Variants in FER1L6 observed in about 807,000 individuals in gnomAD.
FER1L6 encodes the protein fer-1-like protein 6.
FER1L6 carries 177 observed loss-of-function variants against 219.2 expected under a neutral mutation model. The ratio of observed to expected loss-of-function variants is 0.81; its 90% CI spans 0.71 to 0.91. The LOEUF (loss-of-function observed/expected upper bound fraction) is 0.91. FER1L6 is among the 40% of genes least tolerant of loss of function. The probability of loss-of-function intolerance (pLI) is 0.00; values close to 1 mark genes in which losing one functional copy is unlikely to be tolerated. For synonymous variants in FER1L6, 768 were observed against 824.3 expected (o/e 0.93, Z 1.17); for missense variants, 2,153 against 2,259.9 (o/e 0.95, Z 0.96).
intron 39 of FER1L6, 118 bp downstream of exon 39, chr8:124,103,427 G>GT: frequency 1.0e-6 from 1 of 991,432 alleles, no homozygotes; most frequent in Non-Finnish European, 1.5e-6. Context: ...AACCCTTCAT[G>GT]CAGAGGTTCT....
chr8:123,909,242 A>G (rs996131006), intron 1 of FER1L6, among the ~76,000 whole-genome samples: 6 of 152,132 alleles, frequency 3.9e-5, no homozygotes, highest in Admixed American at 6.5e-5. Flanking sequence ...GGGAGCCAGC[A>G]TTGCATGGGG....
At chr8:123,916,690 C>T (rs1286105150) in intron 1 of FER1L6, among the ~76,000 whole-genome samples, 2 of 152,128 alleles carry the variant, frequency 1.3e-5, no homozygotes, top group Non-Finnish European at 2.9e-5. Flanking sequence ...TATATCCAAC[C>T]ATGGTGCATT....
intron 1 of FER1L6, among the ~76,000 whole-genome samples, chr8:123,914,452 G>T (rs4870876): frequency 6.6e-6 from 1 of 151,886 alleles, no homozygotes; most frequent in Non-Finnish European, 1.5e-5. Flanking sequence ...AGTTTGCTTC[G>T]CACTTTTGAT....
chr8:123,945,801 C>G (rs535560124), intron 1 of FER1L6, among the ~76,000 whole-genome samples: 3 of 152,320 alleles, frequency 2.0e-5, no homozygotes, highest in African/African-American at 4.8e-5. Flanking sequence ...CAAAGAAAGT[C>G]AGATTCTTTG....
rs1284772039 is a variant in FER1L6, at chr8:124,031,945, A to T, written c.2287-3332A>T. 1.3e-5 allele frequency among the ~76,000 whole-genome samples: 2 copies of T among 152,218 alleles called. 1 individual carries two copies. Among genetic ancestry groups the T allele is most frequent in the East Asian group, 3.8e-4 (2 of 5,198 alleles). ...CTGCATTATCTTGCCAGCAATTCCA[A>T]TTTGCATATATTTTTTTAAATGTAC... is the stretch of plus-strand genomic sequence containing the variant. On this transcript the variant is annotated intron_variant, in intron 18 of 40. Transcript: ENST00000522917.
intron 1 of FER1L6, among the ~76,000 whole-genome samples, chr8:123,861,757 G>A (rs1174800551): frequency 8.6e-5 from 12 of 139,672 alleles, no homozygotes; most frequent in Non-Finnish European, 1.5e-4. Context: ...GTGAATGGGA[G>A]TTCACTCATG....
intron 13 of FER1L6, among the ~76,000 whole-genome samples, chr8:124,009,066 C>T (rs1402957474): frequency 6.6e-6 from 1 of 151,858 alleles, no homozygotes; most frequent in Non-Finnish European, 1.5e-5. Context: ...GAAAAGGTAA[C>T]ACTTCTACAC....
chr8:123,974,382 T>C (rs911525852), intron 7 of FER1L6, among the ~76,000 whole-genome samples: 2 of 151,976 alleles, frequency 1.3e-5, no homozygotes, highest in Non-Finnish European at 2.9e-5. Flanking sequence ...ACACCTGTAA[T>C]CCTGGCACTT....
intron 39 of FER1L6, among the ~76,000 whole-genome samples, chr8:124,109,087 G>A (rs972954624): frequency 6.6e-6 from 1 of 152,296 alleles, no homozygotes; most frequent in Admixed American, 6.5e-5. Flanking sequence ...ATATGGACAC[G>A]TGTGGATGGG....
intron 1 of FER1L6, among the ~76,000 whole-genome samples, chr8:123,888,180 G>T (rs183587066): frequency 2.6e-5 from 4 of 151,674 alleles, no homozygotes; most frequent in African/African-American, 9.7e-5. Context: ...GCAGTGACAC[G>T]ATCTTGGCTC....
intron 1 of FER1L6, among the ~76,000 whole-genome samples, chr8:123,873,063 G>A (rs1816950632): frequency 6.6e-6 from 1 of 152,146 alleles, no homozygotes; most frequent in Admixed American, 6.5e-5. Context: ...AGTGAAGGCA[G>A]GACTTCAGAG....
chr8:124,076,073 C>T (rs1465747328), intron 31 of FER1L6, 125 bp from the exon 32 acceptor site: 30 of 1,232,196 alleles, frequency 2.4e-5, no homozygotes, highest in South Asian at 4.6e-5. Flanking sequence ...AGCCCTGGCC[C>T]GTTAAATCAG....
rs776926418 is a variant in FER1L6, at chr8:124,060,187, C to T, written c.2882C>T (p.Pro961Leu). The change falls in exon 23 of 41, where the codon CCT becomes CTT. Residue 961 changes from proline (P) to leucine (L), a missense_variant. Coordinates refer to ENST00000522917, the MANE Select transcript of FER1L6 (RefSeq NM_001039112.2). The part of the protein sequence containing the change: ...LAVFELLQVP[P>L]SGLQGLPPVE... Reference sequence around the variant, plus strand: ...ACTTGCCTTGTGCGGTAGGTTCCTCCTTCTGGGCTGCAAGGCCTCCCACCC... The same window carrying T: ...ACTTGCCTTGTGCGGTAGGTTCCTCTTTCTGGGCTGCAAGGCCTCCCACCC... 125 of 1,613,862 alleles carry T rather than the reference C, an allele frequency of 7.7e-5. No homozygotes were observed. Among genetic ancestry groups the T allele is most frequent in the Admixed American group, 8.3e-5 (5 of 60,004 alleles).
chr8:124,088,579 A>G (rs796729745), intron 33 of FER1L6, among the ~76,000 whole-genome samples: 4 of 151,764 alleles, frequency 2.6e-5, no homozygotes, highest in African/African-American at 9.7e-5. Flanking sequence ...ATCTCTTCCT[A>G]TCACTACCAT....
At chr8:123,855,112 G>C (rs1013237052) in intron 1 of FER1L6, among the ~76,000 whole-genome samples, 1 of 152,074 alleles carries the variant, frequency 6.6e-6, no homozygotes, top group Non-Finnish European at 1.5e-5. Context: ...ACCTATTTTG[G>C]AGATTTCATA....
At chr8:123,935,035 C>T (rs932949060) in intron 1 of FER1L6, among the ~76,000 whole-genome samples, 8 of 152,136 alleles carry the variant, frequency 5.3e-5, no homozygotes, top group South Asian at 2.1e-4. Flanking sequence ...ATTGCGCAGT[C>T]TCAGGTAGTT....
At chr8:124,078,900 C>T (rs1231587796) in intron 32 of FER1L6, among the ~76,000 whole-genome samples, 1 of 152,192 alleles carries the variant, frequency 6.6e-6, no homozygotes, top group African/African-American at 2.4e-5. Context: ...GCCGAAACAA[C>T]AGAAATTCAT....
At chr8:124,003,514 G>A (rs1388394325) in intron 13 of FER1L6, among the ~76,000 whole-genome samples, 167 bp downstream of exon 13, 2 of 125,190 alleles carry the variant, frequency 1.6e-5, no homozygotes, top group East Asian at 5.3e-4. Context: ...CCAGACTGGA[G>A]TGCAGTGTGC....
intron 1 of FER1L6, among the ~76,000 whole-genome samples, chr8:123,907,495 C>T (rs1043065106): frequency 5.9e-5 from 9 of 151,902 alleles, no homozygotes; most frequent in Admixed American, 5.9e-4. Context: ...GGTGATTTTG[C>T]CTGCATAGGG....
Sources: allele counts gnomAD v4.1 joint callset (sites outside exome capture counted in the v4.1 genomes callset), GRCh38; gene constraint gnomAD v4.1.1; transcripts MANE v1.5; gene names NCBI Gene and HGNC (gene_info 2026-07-23, HGNC 2026-07-21).